Variants in UBR2 observed in about 807,000 individuals in gnomAD.
UBR2 encodes the protein ubiquitin protein ligase E3 component n-recognin 2.
A neutral mutation model predicts 247.9 loss-of-function variants in UBR2; 92 were observed. The observed-to-expected ratio is 0.37, with a 90% CI of 0.31 to 0.44. UBR2 has a LOEUF of 0.44. Among genes scored for constraint, UBR2 ranks in the 20% least tolerant of loss-of-function variants. The pLI, the probability that UBR2 is intolerant of heterozygous loss-of-function variation, is 1.00. For synonymous variants in UBR2, 672 were observed against 693.5 expected, an observed-to-expected ratio of 0.97 and a Z score of 0.49; for missense variants, 1,613 against 2,112.6, an observed-to-expected ratio of 0.76 and a Z score of 4.64.
Position 42,637,002 on chromosome 6 carries a change from C to CT in UBR2, c.1675-3dup. On this transcript the variant is annotated splice_polypyrimidine_tract_variant and intron_variant, in intron 14 of 46. Transcript: ENST00000372901. ...TTTGAGTAACTTACAGAAAAACCCT[C>CT]TTTTTTAGGAAAAAGTGTTAATCGA... 6.3e-7 allele frequency: 1 copy of CT among 1,599,184 alleles called. No individual in the cohort carries two copies. The highest frequency in any genetic ancestry group is 8.5e-7 in the Non-Finnish European group (1 of 1,171,534).
At chr6:42,570,933 G>A (rs1055625840) in intron 1 of UBR2, among the ~76,000 whole-genome samples, 2 of 150,138 alleles carry the variant, frequency 1.3e-5, no homozygotes, top group African/African-American at 4.9e-5. Context: ...TGAGCCACCC[G>A]CCTTGGCCTC....
chr6:42,648,252 A>G (rs369004680), intron 22 of UBR2, 82 bp downstream of exon 22: 2 of 1,151,622 alleles, frequency 1.7e-6, no homozygotes, highest in Admixed American at 1.7e-5. Flanking sequence ...CTTTGATGCA[A>G]CTGAGAATGA....
At chr6:42,570,795 C>T (rs1166377815) in intron 1 of UBR2, among the ~76,000 whole-genome samples, 2 of 151,346 alleles carry the variant, frequency 1.3e-5, no homozygotes, top group South Asian at 4.2e-4. Flanking sequence ...GTGATCCTCC[C>T]ACCTCAGCCT....
At chr6:42,584,867 CT>C (rs1313039067) in intron 2 of UBR2, among the ~76,000 whole-genome samples, 1 of 152,156 alleles carries the variant, frequency 6.6e-6, no homozygotes, top group African/African-American at 2.4e-5. Context: ...GCTAAATTCA[CT>C]TGCTAGTTCT....
intron 42 of UBR2, among the ~76,000 whole-genome samples, chr6:42,681,587 AG>A (rs1799057365): frequency 5.8e-5 from 3 of 51,352 alleles, no homozygotes. Context: ...TTTTAAAAAA[AG>A]AAAATTACAA....
chr6:42,689,643 A>G lies in UBR2; in HGVS notation c.5099A>G (p.Asp1700Gly), dbSNP rs1468212353. The change falls in exon 46 of 47, where the codon GAC (aspartate) becomes GGC (glycine). Residue 1700 changes from aspartate (D) to glycine (G), a missense_variant. Asp to Gly is a moderately conservative substitution (Grantham distance 94). Coordinates refer to ENST00000372901, the MANE Select transcript of UBR2 (RefSeq NM_001363705.2). The surrounding 1 kb of genome is among the most constrained non-coding windows in gnomAD (Gnocchi z 4.0). ...GCFYSPPYLD[D>G]YGETDQGLRR... ...TTTTATTCTCCTCCTTACCTTGATG[A>G]CTATGGGGAGACCGACCAGGGACTC... 1.2e-6 allele frequency: 2 copies of G among 1,614,032 alleles called. No homozygotes were observed. The highest frequency in any genetic ancestry group is 1.3e-5 in the African/African-American group (1 of 75,010).
At chr6:42,679,406 C>A (rs1260381353) in intron 41 of UBR2, among the ~76,000 whole-genome samples, 1 of 152,190 alleles carries the variant, frequency 6.6e-6, no homozygotes, top group Non-Finnish European at 1.5e-5. Context: ...TCCAGAGCAC[C>A]CATACATTTT....
Position 42,564,330 on chromosome 6 carries a change from A to C in UBR2, c.11A>C (p.Glu4Ala). The C allele has an allele frequency of 6.2e-7, 1 of 1,611,150 alleles. No homozygotes were observed. The highest frequency in any genetic ancestry group is 8.5e-7 in the Non-Finnish European group (1 of 1,178,994). MAS[E>A]LEPEVQAIDR... ...GGAGGAGGAGAGAAGATGGCGTCGGAGCTAGAGCCAGAGGTGCAGGCCATC... is the reference window on the plus strand; with the variant it reads ...GGAGGAGGAGAGAAGATGGCGTCGGCGCTAGAGCCAGAGGTGCAGGCCATC... The change falls in exon 1 of 47, where the codon GAG (glutamate) becomes GCG (alanine). Residue 4 changes from glutamate to alanine, a missense_variant. This residue lies in a region of UBR2 where 1,524 missense variants were observed against 1,967.3 expected (regional missense o/e 0.77). Transcript: ENST00000372901.
chr6:42,656,101 A>G (rs2151970330), intron 26 of UBR2, among the ~76,000 whole-genome samples: 2 of 152,298 alleles, frequency 1.3e-5, no homozygotes, highest in South Asian at 4.1e-4. Context: ...AGTTGAAAGA[A>G]TTGTCCAGTA....
At chr6:42,651,927 T>C in intron 23 of UBR2, 96 bp from the exon 24 acceptor site, 1 of 1,217,432 alleles carries the variant, frequency 8.2e-7, no homozygotes, top group Admixed American at 2.5e-5. Context: ...CTGGCCAACA[T>C]AGTGAAACCC....
intron 28 of UBR2, 85 bp from the exon 29 acceptor site, chr6:42,658,561 G>T (rs961595120): frequency 5.6e-5 from 73 of 1,297,686 alleles, no homozygotes; most frequent in Non-Finnish European, 7.3e-5. Context: ...TTTTTAATTG[G>T]TATTTACAGT....
At chr6:42,684,242 T>A (rs1799223842) in intron 43 of UBR2, among the ~76,000 whole-genome samples, 1 of 152,188 alleles carries the variant, frequency 6.6e-6, no homozygotes, top group Admixed American at 6.5e-5. Flanking sequence ...CTAGCATGTC[T>A]GTCCCCTCAA....
At position 42,689,590 on chromosome 6, in the gene UBR2, A is replaced by G. The variant is rs774851441; in HGVS notation, c.5046A>G (p.Leu1682=). ...IFLRVRECQV[L]FLAGKTKGCF... ...ACAGAGTACGGGAATGTCAGGTGCT[A>G]TTTTTAGCTGGCAAAACCAAAGGCT... The change falls in exon 46 of 47, where the codon CTA becomes CTG. Residue 1682 remains leucine (L), a synonymous_variant. Coordinates refer to ENST00000372901, the MANE Select transcript of UBR2 (RefSeq NM_001363705.2). The surrounding 1 kb of genome is among the most constrained non-coding windows in gnomAD (Gnocchi z 4.0). 5.0e-6 allele frequency: 8 copies of G among 1,614,078 alleles called. 1 individual carries two copies. The highest frequency in any genetic ancestry group is 3.3e-5 in the South Asian group (3 of 91,088).
intron 4 of UBR2, 50 bp downstream of exon 4, chr6:42,594,354 G>C (rs1216232747): frequency 2.1e-6 from 3 of 1,423,462 alleles, no homozygotes; most frequent in African/African-American, 1.4e-5. Context: ...GAAATATTTT[G>C]AGAAATAGTC....
intron 4 of UBR2, among the ~76,000 whole-genome samples, chr6:42,601,667 G>A (rs1368210568): frequency 3.8e-5 from 5 of 129,932 alleles, no homozygotes; most frequent in Admixed American, 1.7e-4. Context: ...CAGCCTGGGC[G>A]ACAAGAGCGA....
chr6:42,619,079 A>G (rs922659362), intron 11 of UBR2, among the ~76,000 whole-genome samples: 5 of 152,052 alleles, frequency 3.3e-5, no homozygotes, highest in Non-Finnish European at 7.4e-5. Flanking sequence ...TGCCAGTACC[A>G]CAGTTGTAAT....
intron 42 of UBR2, among the ~76,000 whole-genome samples, chr6:42,680,146 C>T (rs760881808): frequency 5.3e-5 from 8 of 152,156 alleles, no homozygotes; most frequent in Admixed American, 6.5e-5. Flanking sequence ...GCTGGGGTTA[C>T]AGGCATACAC....
chr6:42,659,502 AAAAT>A lies in UBR2; in HGVS notation c.3243-144_3243-141del, dbSNP rs933547842. 5.5e-5 allele frequency among the ~76,000 whole-genome samples: 7 copies of A among 127,892 alleles called. No individual in the cohort carries two copies. In the South Asian group the frequency reaches 7.7e-4, roughly 14 times the overall value. The allele number at this position is 127,892 out of a possible 152,430, so 83.9% of individuals were successfully genotyped here. ...GTGACAGAGCAAGACTCTGTCTCAA[AAAAT>A]AAATAAATATATATACACACACACA... On this transcript the variant is annotated intron_variant, in intron 29 of 46. Coordinates refer to ENST00000372901, the MANE Select transcript of UBR2 (RefSeq NM_001363705.2). This position sits in a 1 kb window ranked among gnomAD's most constrained non-coding sequence, Gnocchi z 4.3.
At chr6:42,688,819 C>T (rs1799593893) in intron 45 of UBR2, among the ~76,000 whole-genome samples, 1 of 152,156 alleles carries the variant, frequency 6.6e-6, no homozygotes, top group Non-Finnish European at 1.5e-5. Context: ...CAGTAGTCCA[C>T]AGTGCAAAGA....
Sources: allele counts gnomAD v4.1 joint callset (sites outside exome capture counted in the v4.1 genomes callset), GRCh38; gene constraint gnomAD v4.1.1; regional missense constraint gnomAD v4.1.1; non-coding constraint Gnocchi (gnomAD v3.1); transcripts MANE v1.5; gene names NCBI Gene and HGNC (gene_info 2026-07-23, HGNC 2026-07-21).